The following THSD4 variants were observed in gnomAD, a reference collection of about 807,000 sequenced individuals.
The protein encoded by THSD4 is thrombospondin type 1 domain containing 4, also known as thrombospondin type-1 domain-containing protein 4.
Under a neutral mutation model 119.0 loss-of-function variants are expected in THSD4, and 69 were observed. The ratio of observed to expected loss-of-function variants is 0.58; its 90% CI spans 0.48 to 0.71. The LOEUF (loss-of-function observed/expected upper bound fraction) is 0.71. THSD4 is among the 30% of genes least tolerant of loss of function. The probability of loss-of-function intolerance (pLI) is 0.00; values close to 1 mark genes in which losing one functional copy is unlikely to be tolerated. For synonymous variants in THSD4, 524 were observed against 540.4 expected, an observed-to-expected ratio of 0.97 and a Z score of 0.42; for missense variants, 1,393 against 1,391.1, an observed-to-expected ratio of 1.00 and a Z score of -0.02.
upstream of THSD4, chr15:71,111,037 A>G: frequency 8.1e-7 from 1 of 1,236,386 alleles, no homozygotes; most frequent in East Asian, 2.6e-5. Context: ...GCAGCCTCGG[A>G]TCCGGGTGAT....
chr15:71,200,559 T>C (rs1280627675), intron 3 of THSD4, among the ~76,000 whole-genome samples: 2 of 152,198 alleles, frequency 1.3e-5, no homozygotes, highest in East Asian at 3.8e-4. Flanking sequence ...CTGAGAGGTC[T>C]TGGGCTAAAT....
At chr15:71,551,535 A>G (rs2048928084) in intron 7 of THSD4, among the ~76,000 whole-genome samples, 1 of 152,222 alleles carries the variant, frequency 6.6e-6, no homozygotes, top group African/African-American at 2.4e-5. Flanking sequence ...GTGACTTAGC[A>G]TACATTGGCA....
At chr15:71,510,220 T>C (rs962871374) in intron 7 of THSD4, among the ~76,000 whole-genome samples, 2 of 152,182 alleles carry the variant, frequency 1.3e-5, no homozygotes, top group African/African-American at 4.8e-5. Context: ...CACTCAGTAA[T>C]TGGTAGATTT....
chr15:71,476,287 A>G (rs2140653391), intron 7 of THSD4, among the ~76,000 whole-genome samples: 1 of 152,136 alleles, frequency 6.6e-6, no homozygotes, highest in South Asian at 2.1e-4. Flanking sequence ...GCTGAGGTGC[A>G]GTGGCACAAT....
At chr15:71,112,476 AG>A (rs1357071764), upstream of THSD4, among the ~76,000 whole-genome samples, 2 of 152,158 alleles carry the variant, frequency 1.3e-5, no homozygotes, top group African/African-American at 2.4e-5. Flanking sequence ...ACAGGGCAAA[AG>A]GTTTCAAGTC....
chr15:71,501,732 T>C (rs1048667096), intron 7 of THSD4, among the ~76,000 whole-genome samples: 6 of 152,232 alleles, frequency 3.9e-5, no homozygotes, highest in Non-Finnish European at 8.8e-5. Context: ...ATTGTGTTCC[T>C]TTTCATCTGT....
upstream of THSD4, chr15:71,111,644 A>G (rs904865486): frequency 1.0e-5 from 6 of 576,784 alleles, no homozygotes; most frequent in African/African-American, 7.5e-5. Context: ...AAATGAAAGG[A>G]ACAATTTTAC....
chr15:71,548,738 C>T (rs1029384806), intron 7 of THSD4, among the ~76,000 whole-genome samples: 9 of 152,166 alleles, frequency 5.9e-5, no homozygotes, highest in African/African-American at 1.9e-4. Context: ...AGTTGAAGTT[C>T]GCAATTTCCC....
chr15:71,288,463 G>A (rs1263930725), intron 6 of THSD4, among the ~76,000 whole-genome samples: 1 of 152,042 alleles, frequency 6.6e-6, no homozygotes, highest in Non-Finnish European at 1.5e-5. Flanking sequence ...GATGCTCAGA[G>A]GTGTCTAATG....
chr15:71,488,259 A>G (rs2047853523), intron 7 of THSD4, among the ~76,000 whole-genome samples: 1 of 152,218 alleles, frequency 6.6e-6, no homozygotes. Flanking sequence ...TTATATTAAT[A>G]TATCTCCTAA....
intron 6 of THSD4, among the ~76,000 whole-genome samples, chr15:71,318,365 A>T (rs2045220160): frequency 6.6e-6 from 1 of 152,102 alleles, no homozygotes; most frequent in African/African-American, 2.4e-5. Context: ...CATAGGATGG[A>T]GCATGGTTTG....
chr15:71,212,398 C>T (rs1302366987), intron 3 of THSD4, among the ~76,000 whole-genome samples: 2 of 152,034 alleles, frequency 1.3e-5, no homozygotes, highest in Non-Finnish European at 2.9e-5. Flanking sequence ...CCCAATTTGG[C>T]AATAGGAACT....
Position 71,134,935 on chromosome 15 carries a change from T to C in THSD4, c.-79-6514T>C, listed in dbSNP as rs374298742. Among the ~76,000 whole-genome samples, 15 of 148,664 alleles carry C rather than the reference T, an allele frequency of 1.0e-4. No individual in the cohort carries two copies. The East Asian group carries it at 1.4e-3, about 14-fold the overall frequency. ...ATGCACACGTATGTTTATTGCGGCA[T>C]TATTCACAATAGCAAAGACTTGGAA... On this transcript the variant is annotated intron_variant, in intron 1 of 17. Transcript: ENST00000261862.
chr15:71,229,838 G>A (rs2044046506), intron 4 of THSD4, among the ~76,000 whole-genome samples: 1 of 152,096 alleles, frequency 6.6e-6, no homozygotes, highest in Non-Finnish European at 1.5e-5. Flanking sequence ...TTATGCTTGC[G>A]ATGCTTCATA....
chr15:71,111,237 G>T (rs1018599222), upstream of THSD4: 1 of 1,613,962 alleles, frequency 6.2e-7, no homozygotes, highest in African/African-American at 1.3e-5. Context: ...ATAACCTGAA[G>T]TGTGGCCTGA....
At chr15:71,426,626 C>T (rs2046873163) in intron 7 of THSD4, among the ~76,000 whole-genome samples, 2 of 152,142 alleles carry the variant, frequency 1.3e-5, no homozygotes, top group Admixed American at 1.3e-4. Flanking sequence ...AAGATATTTG[C>T]ATGATTTCAC....
chr15:71,634,124 T>G (rs996825108), intron 7 of THSD4, among the ~76,000 whole-genome samples: 7 of 147,244 alleles, frequency 4.8e-5, no homozygotes, highest in African/African-American at 7.6e-5. Context: ...GAGGAGGAGG[T>G]TTCAGTGAGC....
chr15:71,520,520 C>T (rs761522738), intron 7 of THSD4, among the ~76,000 whole-genome samples: 16 of 152,098 alleles, frequency 1.1e-4, no homozygotes, highest in African/African-American at 3.6e-4. Context: ...GTGTCTTGAC[C>T]CCTTTTATCC....
At chr15:71,517,821 A>G (rs571704503) in intron 7 of THSD4, among the ~76,000 whole-genome samples, 3 of 152,352 alleles carry the variant, frequency 2.0e-5, no homozygotes, top group South Asian at 2.1e-4. Flanking sequence ...GCTCTGTGGC[A>G]TTGGTTACAC....
Sources: allele counts gnomAD v4.1 joint callset (sites outside exome capture counted in the v4.1 genomes callset), GRCh38; gene constraint gnomAD v4.1.1; transcripts MANE v1.5; gene names NCBI Gene and HGNC (gene_info 2026-07-23, HGNC 2026-07-21).